The following CDK11B variants were observed in gnomAD, a reference collection of about 807,000 sequenced individuals.
CDK11B encodes cyclin dependent kinase 11B.
CDK11B carries 37 observed loss-of-function variants against 84.0 expected under a neutral mutation model. The observed-to-expected ratio is 0.44, with a 90% confidence interval of 0.34 to 0.58. The LOEUF (loss-of-function observed/expected upper bound fraction) is 0.58. Among genes scored for constraint, CDK11B ranks in the 20% least tolerant of loss-of-function variants. CDK11B has a pLI of 0.02. For missense variants in CDK11B, 427 were observed against 834.0 expected, an observed-to-expected ratio of 0.51 and a Z score of 6.01; for synonymous variants, 269 against 309.8, an observed-to-expected ratio of 0.87 and a Z score of 1.38.
intron 13 of CDK11B, 82 bp from the exon 14 acceptor site, chr1:1,637,595 G>C: frequency 6.2e-7 from 1 of 1,609,310 alleles, no homozygotes; most frequent in Non-Finnish European, 8.5e-7. Flanking sequence ...CTGAGGGACA[G>C]TAAGGACCTC....
At chr1:1,637,032 TG>T in intron 15 of CDK11B, 28 bp from the exon 16 acceptor site, 1 of 1,612,894 alleles carries the variant, frequency 6.2e-7, no homozygotes, top group Middle Eastern at 1.7e-4. Flanking sequence ...CGGCTGTGAG[TG>T]GGCCCCGGCA....
intron 3 of CDK11B, 76 bp from the exon 4 acceptor site, chr1:1,652,642 C>CAACCCAGAAAAA: frequency 8.7e-7 from 1 of 1,146,426 alleles, no homozygotes; most frequent in South Asian, 3.0e-5. Context: ...AAGGTTTCTT[C>CAACCCAGAAAAA]AACCCAGAAA....
chr1:1,644,677 G>C (rs1640748478), intron 6 of CDK11B, among the ~76,000 whole-genome samples: 1 of 151,744 alleles, frequency 6.6e-6, no homozygotes, highest in Non-Finnish European at 1.5e-5. Context: ...CTCCATTAAG[G>C]TGAGGACGTG....
At chr1:1,639,367 T>C (rs1479129955) in intron 11 of CDK11B, among the ~76,000 whole-genome samples, 1 of 151,562 alleles carries the variant, frequency 6.6e-6, no homozygotes, top group Non-Finnish European at 1.5e-5. Context: ...CAGTGAGCTA[T>C]GATTAAGCCA....
rs923840133 is a variant in CDK11B at position 1,637,708 on chromosome 1, G to A, written c.1464+54C>T. The A allele has an allele frequency of 1.3e-3, 2,117 of 1,612,918 alleles. 42 individuals are homozygous for A. In the East Asian group the frequency reaches 0.04, roughly 31 times the overall value. On this transcript the variant is annotated intron_variant, in intron 13 of 19. Transcript: ENST00000341832. Reference sequence around the variant, plus strand: ...GCACCCGGCCCCAGGACAGCACGGGGCCCTGTCAGAAAAGCCTTCCACCCG... The same window carrying A: ...GCACCCGGCCCCAGGACAGCACGGGACCCTGTCAGAAAAGCCTTCCACCCG...
intron 4 of CDK11B, among the ~76,000 whole-genome samples, chr1:1,650,263 C>T (rs1283041033): frequency 3.2e-4 from 22 of 67,886 alleles, no homozygotes; most frequent in Admixed American, 6.5e-4. Context: ...AGCAAGACTC[C>T]GTCCCAAAAA....
chr1:1,638,022 C>G (rs1218684475), intron 12 of CDK11B, 139 bp from the exon 13 acceptor site: 6 of 1,452,822 alleles, frequency 4.1e-6, no homozygotes, highest in Middle Eastern at 2.5e-4. Context: ...GGTGGGGGCA[C>G]GTGGGCACCA....
intron 16 of CDK11B, 44 bp downstream of exon 16, chr1:1,636,853 G>T: frequency 1.2e-6 from 2 of 1,612,598 alleles, no homozygotes; most frequent in East Asian, 2.2e-5. Flanking sequence ...GCTGTGGGAG[G>T]CTGCGTGGGG....
intron 1 of CDK11B, 88 bp from the exon 2 acceptor site, chr1:1,657,586 A>C (rs1397204900): frequency 2.1e-5 from 20 of 956,556 alleles, no homozygotes; most frequent in Non-Finnish European, 3.0e-6. Context: ...TGAGGGATTC[A>C]GAATAAATCC....
chr1:1,649,283 A>G (rs1641585997), intron 5 of CDK11B, among the ~76,000 whole-genome samples: 1 of 151,914 alleles, frequency 6.6e-6, no homozygotes, highest in Admixed American at 6.6e-5. Flanking sequence ...GTATTTTTTT[A>G]GTAGAGACGG....
intron 11 of CDK11B, among the ~76,000 whole-genome samples, chr1:1,639,404 C>T (rs1036333114): frequency 6.6e-6 from 1 of 151,348 alleles, no homozygotes; most frequent in African/African-American, 2.4e-5. Flanking sequence ...GTGACAGAGA[C>T]AGACCCAGTC....
intron 3 of CDK11B, among the ~76,000 whole-genome samples, chr1:1,652,775 G>T (rs1331472189): frequency 1.3e-5 from 2 of 151,958 alleles, no homozygotes; most frequent in Non-Finnish European, 2.9e-5. Flanking sequence ...CTGTTGCCCG[G>T]GCTATAGTGG....
intron 2 of CDK11B, among the ~76,000 whole-genome samples, chr1:1,656,173 T>A (rs549209956): frequency 8.5e-5 from 13 of 152,140 alleles, no homozygotes; most frequent in Non-Finnish European, 1.9e-4. Flanking sequence ...ACAGATTTTT[T>A]GGTTTCCCAA....
rs187245188 is a variant in CDK11B, at chr1:1,637,362, C to A, written c.1570+46G>T. Reference sequence around the variant, plus strand: ...CTGTCACCGCGGGGGTGACCAGGACCCTGCCCCCACTTGTACGCAGACAGG... The same window carrying A: ...CTGTCACCGCGGGGGTGACCAGGACACTGCCCCCACTTGTACGCAGACAGG... On this transcript the variant is annotated intron_variant, in intron 14 of 19. Transcript: ENST00000341832. The A allele has an allele frequency of 1.9e-3, 3,019 of 1,596,072 alleles. 61 individuals carry two copies. In the East Asian group the frequency reaches 0.045, roughly 24 times the overall value.
rs1310547832 is a variant in CDK11B, at chr1:1,637,898, C to T, written c.1343-15G>A. The T allele has an allele frequency of 3.7e-6, 6 of 1,613,312 alleles. No individual in the cohort carries two copies. Among genetic ancestry groups the T allele is most frequent in the Middle Eastern group, 3.3e-4 (2 of 6,050 alleles). Reference sequence around the variant, plus strand: ...CACAATTTCATCTGTGAAGAAAATACAGACGGCACTGAGAGGCATTCTCAA... The same window carrying T: ...CACAATTTCATCTGTGAAGAAAATATAGACGGCACTGAGAGGCATTCTCAA... On this transcript the variant is annotated splice_polypyrimidine_tract_variant and intron_variant, in intron 12 of 19. Transcript: ENST00000341832.
At chr1:1,636,860 G>T (rs374106223) in intron 16 of CDK11B, 37 bp downstream of exon 16, 8 of 1,611,696 alleles carry the variant, frequency 5.0e-6, no homozygotes, top group Non-Finnish European at 6.8e-6. Flanking sequence ...GAGGCTGCGT[G>T]GGGGACAGGG....
chr1:1,636,131 G>T lies in CDK11B; in HGVS notation c.2067-5C>A, dbSNP rs1639233726. 5.4e-6 allele frequency: 3 copies of T among 557,276 alleles called. No individual in the cohort carries two copies. Among genetic ancestry groups the T allele is most frequent in the South Asian group, 4.2e-5 (2 of 47,168 alleles). 34.5% of individuals were successfully genotyped at this position (557,276 alleles called of 1,614,324 possible). A position where few individuals can be genotyped will look rare whatever the true frequency, so the allele number is the denominator to read the frequency against. On this transcript the variant is annotated splice_region_variant and splice_polypyrimidine_tract_variant and intron_variant, in intron 18 of 19. Transcript: ENST00000341832. ...CCGGGGAAGTAGGTCAGGAACCTGG[G>T]GGGAGAGGGCCAGAGGCCCAGGAGG... is the stretch of plus-strand genomic sequence containing the variant.
chr1:1,638,850 C>T (rs557244178), intron 11 of CDK11B, among the ~76,000 whole-genome samples: 2 of 152,144 alleles, frequency 1.3e-5, no homozygotes, highest in Admixed American at 6.5e-5. Flanking sequence ...CCTGTAATTC[C>T]AGCACTTTGG....
intron 4 of CDK11B, among the ~76,000 whole-genome samples, chr1:1,650,501 T>G (rs1256066394): frequency 1.7e-4 from 26 of 149,864 alleles, no homozygotes; most frequent in South Asian, 1.1e-3. Context: ...GAGTAGCTGG[T>G]ACTACAGGCG....
Sources: gnomAD v4.1 joint callset for allele counts (sites outside exome capture counted in the v4.1 genomes callset) on GRCh38, gnomAD v4.1.1 for gene constraint, MANE v1.5 for transcripts, NCBI Gene and HGNC (gene_info 2026-07-23, HGNC 2026-07-21) for gene names.